The following MAF variants were observed in gnomAD, a reference collection of about 807,000 sequenced individuals.
MAF encodes transcription factor Maf.
Under a neutral mutation model 22.0 loss-of-function variants are expected in MAF, and 10 were observed. The ratio of observed to expected loss-of-function variants is 0.45; its 90% CI spans 0.28 to 0.77. MAF has a LOEUF of 0.77. Among genes scored for constraint, MAF ranks in the 30% least tolerant of loss-of-function variants. MAF has a pLI of 0.12. For synonymous variants in MAF, 337 were observed against 255.8 expected, an observed-to-expected ratio of 1.32 and a Z score of -3.03; for missense variants, 544 against 548.4, an observed-to-expected ratio of 0.99 and a Z score of 0.08.
the MAF span, among the ~76,000 whole-genome samples, chr16:79,522,892 G>A: frequency 6.6e-6 from 1 of 152,184 alleles, no homozygotes; most frequent in African/African-American, 2.4e-5. Flanking sequence ...AACTCACAGT[G>A]CTGGCATATC....
the MAF span, among the ~76,000 whole-genome samples, chr16:79,318,619 G>T: frequency 5.3e-5 from 8 of 152,142 alleles, no homozygotes; most frequent in African/African-American, 1.9e-4. Flanking sequence ...ACTAGTTCTG[G>T]GAAGGAGTAA....
the MAF span, among the ~76,000 whole-genome samples, chr16:79,368,906 A>G: frequency 6.6e-6 from 1 of 152,130 alleles, no homozygotes; most frequent in African/African-American, 2.4e-5. Flanking sequence ...TCCTGCTTAT[A>G]TTTCTTCATT....
the MAF span, among the ~76,000 whole-genome samples, chr16:79,315,216 T>C: frequency 5.9e-5 from 9 of 152,220 alleles, no homozygotes; most frequent in South Asian, 4.2e-4. Flanking sequence ...TACATTCTAG[T>C]GGGAAGAGCC....
chr16:79,534,882 G>A, the MAF span, among the ~76,000 whole-genome samples: 1 of 152,140 alleles, frequency 6.6e-6, no homozygotes, highest in Non-Finnish European at 1.5e-5. Context: ...GTTCCTCTCT[G>A]GACAGTGTGG....
chr16:79,296,490 C>CTG, the MAF span, among the ~76,000 whole-genome samples: 1 of 152,114 alleles, frequency 6.6e-6, no homozygotes, highest in African/African-American at 2.4e-5. Flanking sequence ...TGTAACAAAC[C>CTG]TGCACCTGCT....
chr16:79,427,504 G>A, the MAF span, among the ~76,000 whole-genome samples: 2 of 152,326 alleles, frequency 1.3e-5, no homozygotes, highest in African/African-American at 4.8e-5. Flanking sequence ...TGTTGGCTCA[G>A]TGACTTGGGA....
At chr16:79,544,627 A>C in the MAF span, among the ~76,000 whole-genome samples, 1 of 151,954 alleles carries the variant, frequency 6.6e-6, no homozygotes, top group African/African-American at 2.4e-5. Context: ...ACAAAAAATT[A>C]GCCAGGCGTG....
chr16:79,427,270 G>A, the MAF span, among the ~76,000 whole-genome samples: 104,574 of 152,066 alleles, frequency 0.69, 36,894 homozygotes, highest in East Asian at 1. Flanking sequence ...TTTGGAAAGA[G>A]CCTGGTTCAG....
the MAF span, among the ~76,000 whole-genome samples, chr16:79,453,135 C>T: frequency 6.6e-6 from 1 of 152,098 alleles, no homozygotes; most frequent in South Asian, 2.1e-4. Flanking sequence ...CTTTTCAGAC[C>T]TCCGCCTAAC....
At chr16:79,443,380 C>T in the MAF span, among the ~76,000 whole-genome samples, 1 of 152,144 alleles carries the variant, frequency 6.6e-6, no homozygotes, top group Admixed American at 6.6e-5. Context: ...TCTCCATCAC[C>T]TCCAGGCCAT....
the MAF span, among the ~76,000 whole-genome samples, chr16:79,277,740 T>A: frequency 4.6e-5 from 7 of 152,222 alleles, no homozygotes; most frequent in Non-Finnish European, 8.8e-5. Context: ...TGTGTCTGTT[T>A]ATAAAATTTG....
At chr16:79,375,479 AGAT>A in the MAF span, among the ~76,000 whole-genome samples, 37 of 152,268 alleles carry the variant, frequency 2.4e-4, no homozygotes, top group East Asian at 4.0e-3. Flanking sequence ...GTGGTGATGA[AGAT>A]GATGAAGATA....
chr16:79,245,198 A>C, the MAF span, among the ~76,000 whole-genome samples: 3 of 152,080 alleles, frequency 2.0e-5, no homozygotes, highest in South Asian at 4.1e-4. Flanking sequence ...CATGGCAACA[A>C]AAGCCAAAAT....
At chr16:79,310,979 G>A in the MAF span, among the ~76,000 whole-genome samples, 4 of 152,022 alleles carry the variant, frequency 2.6e-5, no homozygotes, top group Non-Finnish European at 5.9e-5. Flanking sequence ...TCCCAGGAGC[G>A]CGAGCTTCCA....
At chr16:79,439,034 T>C in the MAF span, among the ~76,000 whole-genome samples, 1 of 152,046 alleles carries the variant, frequency 6.6e-6, no homozygotes, top group Admixed American at 6.5e-5. Flanking sequence ...CCTTCTATCT[T>C]AAAGATATTG....
At chr16:79,373,815 T>G in the MAF span, among the ~76,000 whole-genome samples, 1 of 152,316 alleles carries the variant, frequency 6.6e-6, no homozygotes, top group South Asian at 2.1e-4. Flanking sequence ...CCCTTGACCT[T>G]GGACTTCTCA....
the MAF span, among the ~76,000 whole-genome samples, chr16:79,362,590 A>G: frequency 2.0e-5 from 3 of 152,246 alleles, no homozygotes; most frequent in African/African-American, 4.8e-5. Flanking sequence ...ATAGGCACGA[A>G]GAGCAGGTTG....
At chr16:79,554,963 C>T in the MAF span, among the ~76,000 whole-genome samples, 1 of 152,150 alleles carries the variant, frequency 6.6e-6, no homozygotes, top group Non-Finnish European at 1.5e-5. Flanking sequence ...TTCCTCTGAG[C>T]CTACAGCCCA....
chr16:79,352,839 C>G, the MAF span, among the ~76,000 whole-genome samples: 1 of 152,160 alleles, frequency 6.6e-6, no homozygotes, highest in Non-Finnish European at 1.5e-5. Flanking sequence ...AAAAACGTCC[C>G]TAGACATTGC....
Sources: gnomAD v4.1 joint callset for allele counts (sites outside exome capture counted in the v4.1 genomes callset) on GRCh38, gnomAD v4.1.1 for gene constraint, MANE v1.5 for transcripts, NCBI Gene and HGNC (gene_info 2026-07-23, HGNC 2026-07-21) for gene names.